Variants in DIAPH3 observed in about 807,000 individuals in gnomAD.
The protein encoded by DIAPH3 is protein diaphanous homolog 3.
DIAPH3 carries 117 observed loss-of-function variants against 144.3 expected under a neutral mutation model. That is an observed-to-expected ratio of 0.81 (90% CI 0.70 to 0.95). The LOEUF is 0.95. DIAPH3 is among the 40% of genes least tolerant of loss of function. The pLI is 0.00. For missense variants in DIAPH3, 1,421 were observed against 1,412.7 expected, an observed-to-expected ratio of 1.01 and a Z score of -0.09; for synonymous variants, 519 against 488.9, an observed-to-expected ratio of 1.06 and a Z score of -0.81.
In DIAPH3 at chr13:59,929,865, C is replaced by T. The variant is rs536117925; in HGVS notation, c.2075-4995G>A. Among the ~76,000 whole-genome samples the T allele has an allele frequency of 2.6e-5, 4 of 152,172 alleles. No homozygotes were observed. In the East Asian group the frequency reaches 7.7e-4, roughly 29 times the overall value. On this transcript the variant is annotated intron_variant, in intron 17 of 27. Transcript: ENST00000400324. Reference sequence around the variant, plus strand: ...GGATTACAGGTGTGAGCCACCATGCCCGGCCCTCATTTATTTCTCCACATG... The same window carrying T: ...GGATTACAGGTGTGAGCCACCATGCTCGGCCCTCATTTATTTCTCCACATG...
At chr13:59,716,744 T>C (rs549490583) in intron 27 of DIAPH3, among the ~76,000 whole-genome samples, 1 of 152,320 alleles carries the variant, frequency 6.6e-6, no homozygotes, top group South Asian at 2.1e-4. Flanking sequence ...TGTTCTTTGA[T>C]GTTAGACTCC....
Position 60,010,534 on chromosome 13 carries a change from T to C in DIAPH3, c.907A>G (p.Ile303Val), listed in dbSNP as rs2053172321. The C allele has an allele frequency of 2.1e-5, 34 of 1,587,452 alleles. No homozygotes were observed. The East Asian group carries it at 7.7e-4, about 36-fold the overall frequency. ...SAVCIVGEES[I>V]LEEVLEALTS... ...GGGGAATATGTTGATAACACTTACA[T>C]GCTTTCTTCCCCTACAATGCATACC... The change falls in exon 8 of 28, where the codon ATC becomes GTC. Residue 303 changes from isoleucine (I) to valine (V), a missense_variant and splice_region_variant. Physicochemically the swap from Ile to Val is conservative, Grantham distance 29 (BLOSUM62 3). Transcript: ENST00000400324.
intron 25 of DIAPH3, among the ~76,000 whole-genome samples, chr13:59,791,010 C>T (rs557601816): frequency 1.6e-3 from 246 of 152,144 alleles, no homozygotes; most frequent in Middle Eastern, 3.4e-3. Flanking sequence ...GTCTCTGTTG[C>T]CCTAGGCTGG....
chr13:59,857,809 C>G (rs2043341295), intron 22 of DIAPH3, among the ~76,000 whole-genome samples: 1 of 152,180 alleles, frequency 6.6e-6, no homozygotes, highest in Non-Finnish European at 1.5e-5. Context: ...AGACAACATT[C>G]TTGCCACAGC....
chr13:60,162,697 G>A (rs778402604), intron 1 of DIAPH3, among the ~76,000 whole-genome samples: 11 of 151,670 alleles, frequency 7.3e-5, no homozygotes, highest in Non-Finnish European at 1.5e-4. Flanking sequence ...GTTAGCAACT[G>A]GTTCACAAAC....
At chr13:59,992,429 C>G in intron 10 of DIAPH3, 44 bp downstream of exon 10, 1 of 1,464,100 alleles carries the variant, frequency 6.8e-7, no homozygotes, top group Non-Finnish European at 9.4e-7. Flanking sequence ...TACTCAAGTA[C>G]TCTTTTAATT....
At chr13:60,084,641 T>C (rs1251182227) in intron 4 of DIAPH3, among the ~76,000 whole-genome samples, 1 of 152,030 alleles carries the variant, frequency 6.6e-6, no homozygotes, top group African/African-American at 2.4e-5. Flanking sequence ...ATAACAGTAA[T>C]ATACAAGGAA....
intron 20 of DIAPH3, among the ~76,000 whole-genome samples, chr13:59,908,448 T>C (rs769280816): frequency 4.8e-4 from 72 of 150,710 alleles, no homozygotes; most frequent in Non-Finnish European, 8.7e-4. Flanking sequence ...TTGACCTTAA[T>C]TGACATTGGT....
At chr13:60,111,265 C>T (rs113617886) in intron 3 of DIAPH3, among the ~76,000 whole-genome samples, 270 of 152,222 alleles carry the variant, frequency 1.8e-3, no homozygotes, top group African/African-American at 6.0e-3. Flanking sequence ...CAGAAAAAGA[C>T]GTAGAAAGTG....
At position 59,701,647 on chromosome 13, in the gene DIAPH3, G is replaced by A. The variant is rs573953723; in HGVS notation, c.3320-34801C>T. 3.5e-4 allele frequency among the ~76,000 whole-genome samples: 53 copies of A among 152,324 alleles called. No individual in the cohort carries two copies. The South Asian group carries it at 0.011, about 31-fold the overall frequency. On this transcript the variant is annotated intron_variant, in intron 27 of 27. Coordinates refer to ENST00000400324, the MANE Select transcript of DIAPH3 (RefSeq NM_001042517.2). ...AAGACCATGACTTCCTATTGTGGGG[G>A]TTATGAGCTTTCTTTCCTAGGGAAA...
Position 60,019,669 on chromosome 13 carries a change from C to T in DIAPH3, c.627-3524G>A, listed in dbSNP as rs200892265. Among the ~76,000 whole-genome samples, 5 of 151,220 alleles carry T rather than the reference C, an allele frequency of 3.3e-5. No homozygotes were observed. The East Asian group carries it at 9.7e-4, about 29-fold the overall frequency. ...GTTCCCAGAATTACAATGTTTAACC[C>T]GCCTTTAAATGTTCAAAAGCAGCTT... is the stretch of plus-strand genomic sequence containing the variant. On this transcript the variant is annotated intron_variant, in intron 5 of 27. Coordinates refer to ENST00000400324, the MANE Select transcript of DIAPH3 (RefSeq NM_001042517.2).
intron 27 of DIAPH3, among the ~76,000 whole-genome samples, chr13:59,704,729 CA>C (rs2034317865): frequency 6.6e-6 from 1 of 152,156 alleles, no homozygotes; most frequent in African/African-American, 2.4e-5. Context: ...CTAGGAGTAA[CA>C]GGTTACACCA....
At chr13:59,689,001 C>T (rs1434836658) in intron 27 of DIAPH3, among the ~76,000 whole-genome samples, 1 of 152,030 alleles carries the variant, frequency 6.6e-6, no homozygotes, top group East Asian at 1.9e-4. Context: ...CAATCAACTA[C>T]GTAGACTGGG....
chr13:59,893,259 C>A (rs2045913674), intron 20 of DIAPH3, among the ~76,000 whole-genome samples: 1 of 152,106 alleles, frequency 6.6e-6, no homozygotes. Flanking sequence ...ATTGCCATTT[C>A]ATTAACATTT....
At chr13:60,024,549 G>A (rs2054256220) in intron 5 of DIAPH3, among the ~76,000 whole-genome samples, 1 of 151,682 alleles carries the variant, frequency 6.6e-6, no homozygotes, top group Non-Finnish European at 1.5e-5. Context: ...CTTTTATGAT[G>A]ACTGCTTTTT....
chr13:59,757,775 G>A (rs2037365284), intron 27 of DIAPH3, among the ~76,000 whole-genome samples: 1 of 152,056 alleles, frequency 6.6e-6, no homozygotes, highest in Non-Finnish European at 1.5e-5. Context: ...ATGCTACAAG[G>A]ACAATATTCA....
At chr13:59,798,732 T>G (rs1189490398) in intron 25 of DIAPH3, among the ~76,000 whole-genome samples, 1 of 152,202 alleles carries the variant, frequency 6.6e-6, no homozygotes, top group Non-Finnish European at 1.5e-5. Flanking sequence ...TCTTAGGCTC[T>G]GAACAGAAAA....
Position 60,088,168 on chromosome 13 carries a change from C to T in DIAPH3, c.495+5460G>A, listed in dbSNP as rs182831007. On this transcript the variant is annotated intron_variant, in intron 4 of 27. Transcript: ENST00000400324. ...TGGACAGTTTAATCATCTTGACCTA[C>T]GAAAATTAATTGGGGAAAAAGACAA... is the stretch of plus-strand genomic sequence containing the variant. 2.5e-3 allele frequency among the ~76,000 whole-genome samples: 379 copies of T among 151,988 alleles called. 2 individuals carry two copies. The highest frequency in any genetic ancestry group is 8.5e-3 in the African/African-American group (353 of 41,422).
At chr13:59,964,857 A>G (rs1003850597) in intron 17 of DIAPH3, among the ~76,000 whole-genome samples, 2 of 152,142 alleles carry the variant, frequency 1.3e-5, no homozygotes, top group Non-Finnish European at 2.9e-5. Context: ...TTTCTCCCCA[A>G]TCTTTCCAAA....
Sources: gnomAD v4.1 joint callset for allele counts (sites outside exome capture counted in the v4.1 genomes callset) on GRCh38, gnomAD v4.1.1 for gene constraint, MANE v1.5 for transcripts, NCBI Gene and HGNC (gene_info 2026-07-23, HGNC 2026-07-21) for gene names.